The following DCC variants were observed in gnomAD, a reference collection of about 807,000 sequenced individuals.
The protein encoded by DCC is DCC netrin 1 receptor, also known as netrin receptor DCC.
DCC carries 58 observed loss-of-function variants against 172.5 expected under a neutral mutation model. The ratio of observed to expected loss-of-function variants is 0.34; its 90% confidence interval spans 0.27 to 0.42. The LOEUF is 0.42. DCC is among the 10% of genes least tolerant of loss of function. The pLI, the probability that DCC is intolerant of heterozygous loss-of-function variation, is 1.00. For synonymous variants in DCC, 709 were observed against 644.5 expected, an observed-to-expected ratio of 1.10 and a Z score of -1.52; for missense variants, 1,740 against 1,791.0, an observed-to-expected ratio of 0.97 and a Z score of 0.51.
intron 5 of DCC, among the ~76,000 whole-genome samples, chr18:52,942,426 T>A (rs2040478484): frequency 6.6e-6 from 1 of 152,202 alleles, no homozygotes; most frequent in Non-Finnish European, 1.5e-5. Context: ...AGGTGTGTCT[T>A]TTAATAGCAT....
At chr18:53,369,547 C>T (rs888650610) in intron 15 of DCC, among the ~76,000 whole-genome samples, 2 of 151,782 alleles carry the variant, frequency 1.3e-5, no homozygotes, top group African/African-American at 4.8e-5. Context: ...AAGTGGGCAT[C>T]CTTGTCTTTT....
At chr18:53,005,899 C>T (rs909039555) in intron 5 of DCC, among the ~76,000 whole-genome samples, 8 of 152,102 alleles carry the variant, frequency 5.3e-5, no homozygotes, top group African/African-American at 1.7e-4. Context: ...TAACAAAGCC[C>T]TGTGTACCTA....
At chr18:52,795,930 T>C (rs1205057471) in intron 2 of DCC, among the ~76,000 whole-genome samples, 1 of 152,048 alleles carries the variant, frequency 6.6e-6, no homozygotes, top group Non-Finnish European at 1.5e-5. Context: ...TTCAATAATG[T>C]TATTGAATCA....
intron 1 of DCC, among the ~76,000 whole-genome samples, chr18:52,418,016 G>GA (rs556909575): frequency 6.0e-4 from 91 of 152,244 alleles, no homozygotes; most frequent in African/African-American, 1.7e-3. Context: ...TAGGACCCCG[G>GA]AAAATTGATT....
intron 9 of DCC, 21 bp downstream of exon 9, chr18:53,179,137 G>A (rs1445934689): frequency 6.2e-7 from 1 of 1,609,954 alleles, no homozygotes; most frequent in Middle Eastern, 1.7e-4. Context: ...AAAGGAACGG[G>A]CCACATTTAA....
chr18:52,365,282 T>A lies in DCC; in HGVS notation c.91+24404T>A, dbSNP rs774762263. Reference sequence around the variant, plus strand: ...CATAAGACTGTTCTCGTTATTGTATTTCATTAACTAATGCTCTCATTTATC... The same window carrying A: ...CATAAGACTGTTCTCGTTATTGTATATCATTAACTAATGCTCTCATTTATC... On this transcript the variant is annotated intron_variant, in intron 1 of 28. Coordinates refer to ENST00000442544, the MANE Select transcript of DCC (RefSeq NM_005215.4). 1.0e-3 allele frequency among the ~76,000 whole-genome samples: 157 copies of A among 152,314 alleles called. 1 individual carries two copies. Among genetic ancestry groups the A allele is most frequent in the African/African-American group, 3.6e-3 (151 of 41,554 alleles).
At chr18:52,641,914 A>G (rs1291955504) in intron 1 of DCC, among the ~76,000 whole-genome samples, 1 of 151,650 alleles carries the variant, frequency 6.6e-6, no homozygotes, top group African/African-American at 2.4e-5. Flanking sequence ...ATACTTAAAC[A>G]TGCATGTTTA....
intron 24 of DCC, among the ~76,000 whole-genome samples, chr18:53,465,633 A>G (rs970311168): frequency 2.6e-5 from 4 of 152,112 alleles, no homozygotes; most frequent in African/African-American, 9.7e-5. Flanking sequence ...TCTTTTGCCA[A>G]ATTTTGGAAA....
chr18:53,416,723 A>T (rs1468355251), intron 21 of DCC, among the ~76,000 whole-genome samples: 1 of 152,084 alleles, frequency 6.6e-6, no homozygotes, highest in Non-Finnish European at 1.5e-5. Flanking sequence ...CCTTTTCCTT[A>T]TTTATTTACT....
chr18:53,027,565 G>A (rs2041972151), intron 5 of DCC, among the ~76,000 whole-genome samples: 1 of 152,252 alleles, frequency 6.6e-6, no homozygotes, highest in East Asian at 1.9e-4. Flanking sequence ...TCCTCTGTAG[G>A]AGAAAACCCA....
chr18:53,300,308 T>C (rs2057117504), intron 12 of DCC, among the ~76,000 whole-genome samples: 1 of 152,142 alleles, frequency 6.6e-6, no homozygotes, highest in South Asian at 2.1e-4. Context: ...AATGTCCACG[T>C]TCCCAGCTGA....
intron 10 of DCC, among the ~76,000 whole-genome samples, chr18:53,206,014 A>G (rs2144551577): frequency 6.9e-6 from 1 of 144,786 alleles, no homozygotes; most frequent in South Asian, 2.3e-4. Context: ...TGTTAAAAAT[A>G]GAAATTGAGT....
At chr18:53,434,006 A>G (rs1243952041) in intron 21 of DCC, among the ~76,000 whole-genome samples, 1 of 152,228 alleles carries the variant, frequency 6.6e-6, no homozygotes, top group Non-Finnish European at 1.5e-5. Context: ...ACAGGATTCT[A>G]AGTTGTTTCT....
chr18:52,834,917 A>T (rs2038679097), intron 2 of DCC, among the ~76,000 whole-genome samples: 1 of 152,126 alleles, frequency 6.6e-6, no homozygotes, highest in South Asian at 2.1e-4. Context: ...CTATATATGT[A>T]TATGTATATT....
chr18:52,444,749 A>G (rs1448707313), intron 1 of DCC, among the ~76,000 whole-genome samples: 2 of 152,288 alleles, frequency 1.3e-5, no homozygotes, highest in Non-Finnish European at 1.5e-5. Context: ...CGGAGTAATC[A>G]TCTCAAAATA....
At chr18:53,037,485 G>A (rs577351279) in intron 5 of DCC, among the ~76,000 whole-genome samples, 2 of 151,784 alleles carry the variant, frequency 1.3e-5, no homozygotes, top group African/African-American at 2.4e-5. Context: ...GTACAGCCTC[G>A]CTCTGTTATC....
At chr18:53,406,710 A>G (rs1909677095) in intron 19 of DCC, among the ~76,000 whole-genome samples, 1 of 114,762 alleles carries the variant, frequency 8.7e-6, no homozygotes, top group Non-Finnish European at 2.1e-5. Context: ...TCTCAAAAAA[A>G]AAAAAAGAAA....
At chr18:52,488,413 C>T (rs1231461906) in intron 1 of DCC, among the ~76,000 whole-genome samples, 5 of 151,872 alleles carry the variant, frequency 3.3e-5, no homozygotes, top group Non-Finnish European at 7.4e-5. Context: ...TTGTGTATAC[C>T]ATTAGGATAG....
chr18:52,812,923 C>A (rs1011442911), intron 2 of DCC, among the ~76,000 whole-genome samples: 1 of 152,194 alleles, frequency 6.6e-6, no homozygotes, highest in Non-Finnish European at 1.5e-5. Context: ...TAGCAATGAT[C>A]ACCAGCAATC....
Sources: allele counts gnomAD v4.1 joint callset (sites outside exome capture counted in the v4.1 genomes callset), GRCh38; gene constraint gnomAD v4.1.1; transcripts MANE v1.5; gene names NCBI Gene and HGNC (gene_info 2026-07-23, HGNC 2026-07-21).